CYRIA: variants seen among roughly 807,000 people sequenced by gnomAD.
The protein encoded by CYRIA is CYFIP related Rac1 interactor A, also known as CYFIP-related Rac1 interactor A.
In CYRIA, 15 loss-of-function variants were observed where a neutral mutation model predicts 43.9. That is an observed-to-expected ratio of 0.34 (90% confidence interval 0.23 to 0.53). The LOEUF (loss-of-function observed/expected upper bound fraction) is 0.53, where lower values mean the gene tolerates loss of function less well. Among genes scored for constraint, CYRIA ranks in the 20% least tolerant of loss-of-function variants. The pLI is 0.94. For missense variants in CYRIA, 236 were observed against 394.2 expected (o/e 0.60, Z 3.40); for synonymous variants, 117 against 136.0 (o/e 0.86, Z 0.97).
rs114105770 is a variant in CYRIA, at chr2:16,659,845, C to G, written c.-167+5935G>C. On this transcript the variant is annotated intron_variant, in intron 1 of 11. Transcript: ENST00000381323. ...TAACTTAAAACAGAAGAGCACATTG[C>G]AGTAACCAAGGCATCTGTGAGGTCA... Among the ~76,000 whole-genome samples, 878 of 152,290 alleles carry G rather than the reference C, an allele frequency of 5.8e-3. 9 individuals are homozygous for G. The highest frequency in any genetic ancestry group is 0.019 in the African/African-American group (799 of 41,566).
At chr2:16,557,189 T>C (rs1666553584) in intron 10 of CYRIA, among the ~76,000 whole-genome samples, 1 of 152,194 alleles carries the variant, frequency 6.6e-6, no homozygotes. Flanking sequence ...TGTGCCGCCT[T>C]GGTAGCCACT....
chr2:16,574,840 G>T (rs966357786), intron 3 of CYRIA, among the ~76,000 whole-genome samples: 1 of 152,220 alleles, frequency 6.6e-6, no homozygotes, highest in African/African-American at 2.4e-5. Flanking sequence ...CTCTGCTAGG[G>T]CAGTGCAGAA....
intron 1 of CYRIA, among the ~76,000 whole-genome samples, chr2:16,628,325 G>A (rs1234043494): frequency 1.3e-5 from 2 of 152,182 alleles, no homozygotes; most frequent in African/African-American, 2.4e-5. Context: ...AAAGGTCAAA[G>A]CTAGCAGGCT....
In CYRIA at chr2:16,583,950, C is replaced by A. The variant is rs536247192; in HGVS notation, c.70+4100G>T. On this transcript the variant is annotated intron_variant, in intron 3 of 11. Transcript: ENST00000381323. ...GTGTCTAATTTTGTATTGTTTTGAC[C>A]CAGCTTAATTATATCTGTCTGACCC... Among the ~76,000 whole-genome samples, 9 of 152,116 alleles carry A rather than the reference C, an allele frequency of 5.9e-5. No homozygotes were observed. In the South Asian group the frequency reaches 1.7e-3, roughly 28 times the overall value.
At chr2:16,631,456 G>C (rs905861300) in intron 1 of CYRIA, among the ~76,000 whole-genome samples, 18 of 152,224 alleles carry the variant, frequency 1.2e-4, no homozygotes, top group South Asian at 4.1e-4. Context: ...ACATACTGAT[G>C]CTTCTAAATT....
intron 2 of CYRIA, among the ~76,000 whole-genome samples, chr2:16,604,082 G>A (rs774930180): frequency 1.3e-5 from 2 of 152,164 alleles, no homozygotes; most frequent in Non-Finnish European, 1.5e-5. Flanking sequence ...TCAGGCCAGC[G>A]CCTTCATCTG....
At chr2:16,611,410 A>C (rs2103491396) in intron 2 of CYRIA, among the ~76,000 whole-genome samples, 2 of 152,282 alleles carry the variant, frequency 1.3e-5, no homozygotes, top group Middle Eastern at 6.8e-3. Flanking sequence ...AAATAAATAC[A>C]TGAGCATTGC....
chr2:16,583,475 C>T (rs886720386), intron 3 of CYRIA, among the ~76,000 whole-genome samples: 6 of 152,116 alleles, frequency 3.9e-5, no homozygotes, highest in Non-Finnish European at 8.8e-5. Context: ...ACAACTGAAT[C>T]TGATTTTTTA....
intron 1 of CYRIA, among the ~76,000 whole-genome samples, chr2:16,640,091 G>C (rs559983034): frequency 2.0e-5 from 3 of 152,356 alleles, no homozygotes; most frequent in African/African-American, 7.2e-5. Flanking sequence ...TGCAAACTGT[G>C]TGAATGCAGG....
chr2:16,636,278 G>A (rs1004911286), intron 1 of CYRIA, among the ~76,000 whole-genome samples: 3 of 152,108 alleles, frequency 2.0e-5, no homozygotes, highest in Non-Finnish European at 4.4e-5. Context: ...TAAACCATCC[G>A]ACTCACAAAG....
intron 1 of CYRIA, among the ~76,000 whole-genome samples, chr2:16,648,947 A>G (rs1297565212): frequency 1.3e-5 from 2 of 152,228 alleles, no homozygotes; most frequent in Non-Finnish European, 2.9e-5. Context: ...GTGTTTAATA[A>G]GCTTACAATG....
At chr2:16,616,814 T>A (rs914822545) in intron 2 of CYRIA, among the ~76,000 whole-genome samples, 1 of 152,256 alleles carries the variant, frequency 6.6e-6, no homozygotes, top group Non-Finnish European at 1.5e-5. Context: ...ACTCAGGTAG[T>A]GATCCCAGAA....
At chr2:16,556,583 T>C (rs1666532581) in intron 10 of CYRIA, among the ~76,000 whole-genome samples, 1 of 152,156 alleles carries the variant, frequency 6.6e-6, no homozygotes, top group Non-Finnish European at 1.5e-5. Context: ...AGGATGCAGT[T>C]GGGGCCAGAT....
intron 3 of CYRIA, among the ~76,000 whole-genome samples, chr2:16,581,494 C>T (rs1416059308): frequency 2.6e-5 from 4 of 151,622 alleles, no homozygotes; most frequent in Non-Finnish European, 4.4e-5. Flanking sequence ...TAGTTATTGG[C>T]AGGAATGTAA....
At chr2:16,610,825 T>C (rs1044515961) in intron 2 of CYRIA, among the ~76,000 whole-genome samples, 3 of 148,706 alleles carry the variant, frequency 2.0e-5, no homozygotes, top group African/African-American at 7.4e-5. Flanking sequence ...CTGCTGATCC[T>C]CCCTCTATCC....
At chr2:16,602,540 A>C (rs967114898) in intron 2 of CYRIA, among the ~76,000 whole-genome samples, 1 of 152,104 alleles carries the variant, frequency 6.6e-6, no homozygotes, top group African/African-American at 2.4e-5. Flanking sequence ...GGGTATAAGA[A>C]CTCCATGACC....
intron 3 of CYRIA, among the ~76,000 whole-genome samples, chr2:16,575,077 G>A (rs982011402): frequency 1.3e-5 from 2 of 152,164 alleles, no homozygotes; most frequent in Non-Finnish European, 2.9e-5. Context: ...AAGGCCTTGG[G>A]AGCCCACCTC....
chr2:16,660,198 G>A (rs1243654924), intron 1 of CYRIA, among the ~76,000 whole-genome samples: 2 of 152,204 alleles, frequency 1.3e-5, no homozygotes, highest in East Asian at 1.9e-4. Flanking sequence ...GATGTGGAAA[G>A]GCACTTTCAA....
At chr2:16,635,049 C>G (rs1407010079) in intron 1 of CYRIA, among the ~76,000 whole-genome samples, 1 of 152,210 alleles carries the variant, frequency 6.6e-6, no homozygotes, top group Admixed American at 6.5e-5. Flanking sequence ...AAGTTTCTTC[C>G]TGGTCCTAAG....
Sources: allele counts gnomAD v4.1 joint callset (sites outside exome capture counted in the v4.1 genomes callset), GRCh38; gene constraint gnomAD v4.1.1; transcripts MANE v1.5; gene names NCBI Gene and HGNC (gene_info 2026-07-23, HGNC 2026-07-21).